Variants in HEATR9 observed in about 807,000 individuals in gnomAD.
The protein encoded by HEATR9 is protein HEATR9.
Under a neutral mutation model 68.2 loss-of-function variants are expected in HEATR9, and 54 were observed. That is an observed-to-expected ratio of 0.79 (90% confidence interval 0.64 to 0.99). HEATR9 has a LOEUF of 0.99. Among genes scored for constraint, HEATR9 ranks in the 50% least tolerant of loss-of-function variants. The probability of loss-of-function intolerance (pLI) is 0.00; values close to 1 mark genes in which losing one functional copy is unlikely to be tolerated. For synonymous variants in HEATR9, 241 were observed against 253.5 expected (o/e 0.95, Z 0.47); for missense variants, 662 against 679.7 (o/e 0.97, Z 0.29).
chr17:35,858,748 C>T (rs1364387450), intron 9 of HEATR9, 140 bp downstream of exon 9: 1 of 968,710 alleles, frequency 1.0e-6, no homozygotes, highest in Non-Finnish European at 1.6e-6. Context: ...CCATATGACC[C>T]CATACTCATA....
At position 35,864,779 on chromosome 17, in the gene HEATR9, G is replaced by T; in HGVS notation, c.432C>A (p.Pro144=). The T allele has an allele frequency of 1.2e-6, 2 of 1,614,146 alleles. No homozygotes were observed. The highest frequency in any genetic ancestry group is 1.7e-6 in the Non-Finnish European group (2 of 1,180,036). ...RSRPLEPTQD[P]LKWQRLRELT... ...TGACCCTTAATCTTTGCCACTTCAG[G>T]GGGTCCTGGGTAGGCTCTAAGGGCC... Residue 144 remains proline, a synonymous_variant, in exon 4 of 15, where the codon CCC becomes CCA. Coordinates refer to ENST00000604834, the MANE Select transcript of HEATR9 (RefSeq NM_152781.4).
In HEATR9 at chr17:35,859,097, G is replaced by T. The variant is rs373007075; in HGVS notation, c.757-27C>A. Reference sequence around the variant, plus strand: ...TGTGAGGGAGACAAAATGGCTAAGGGGAGGGGCTATGTACTTTATGCCAGG... The same window carrying T: ...TGTGAGGGAGACAAAATGGCTAAGGTGAGGGGCTATGTACTTTATGCCAGG... On this transcript the variant is annotated intron_variant, in intron 8 of 14. Coordinates refer to ENST00000604834, the MANE Select transcript of HEATR9 (RefSeq NM_152781.4). 3 of 1,606,308 alleles carry T rather than the reference G, an allele frequency of 1.9e-6. No individual in the cohort carries two copies. The African/African-American group carries it at 4.0e-5, about 21-fold the overall frequency.
intron 12 of HEATR9, 51 bp downstream of exon 12, chr17:35,856,681 C>A (rs574892245): frequency 1.1e-5 from 16 of 1,495,626 alleles, no homozygotes; most frequent in Non-Finnish European, 1.5e-5. Context: ...TGACCCTCTG[C>A]CCCCTTCCCA....
chr17:35,866,737 A>C lies in HEATR9; in HGVS notation c.125T>G (p.Leu42Trp). ...RKAMAPVHLP[L>W]SCYQMPKEEF... The stretch of plus-strand genomic sequence containing the variant: ...AAGGGGTCTTACCTGGTAGCAGGAC[A>C]AGGGCAGATGAACAGGAGCCATGGC... The change falls in exon 2 of 15, where the codon TTG becomes TGG. Residue 42 changes from leucine to tryptophan, a missense_variant. By Grantham distance (61) the Leu-to-Trp change is moderately conservative. Coordinates refer to ENST00000604834, the MANE Select transcript of HEATR9 (RefSeq NM_152781.4). 6.2e-7 allele frequency: 1 copy of C among 1,614,070 alleles called. No individual in the cohort carries two copies. Among genetic ancestry groups the C allele is most frequent in the Non-Finnish European group, 8.5e-7 (1 of 1,179,942 alleles).
Position 35,855,734 on chromosome 17 carries a change from C to A in HEATR9, c.1295G>T (p.Arg432Leu). The change falls in exon 14 of 15, where the codon CGC becomes CTC. Residue 432 changes from arginine (R) to leucine (L), a missense_variant. Arg to Leu is a moderately radical substitution (Grantham distance 102). Transcript: ENST00000604834. ...AVISLGVLGI[R>L]SPQVFHLLLD... Reference sequence around the variant, plus strand: ...GAGCAAGTGGAACACTTGTGGACTGCGGATCCCCAGGACACCCTGGCAGAG... The same window carrying A: ...GAGCAAGTGGAACACTTGTGGACTGAGGATCCCCAGGACACCCTGGCAGAG... 3 of 1,613,920 alleles carry A rather than the reference C, an allele frequency of 1.9e-6. No homozygotes were observed. Among genetic ancestry groups the A allele is most frequent in the East Asian group, 2.2e-5 (1 of 44,874 alleles).
In HEATR9 at chr17:35,855,665, C is replaced by T; in HGVS notation, c.1364G>A (p.Ser455Asn). The T allele has an allele frequency of 6.2e-7, 1 of 1,613,982 alleles. No individual in the cohort carries two copies. Among genetic ancestry groups the T allele is most frequent in the Non-Finnish European group, 8.5e-7 (1 of 1,179,910 alleles). The change falls in exon 14 of 15, where the codon AGT becomes AAT. Residue 455 changes from serine to asparagine, a missense_variant and splice_region_variant. Ser to Asn is a conservative substitution (Grantham distance 46). Transcript: ENST00000604834. Reference protein sequence around the residue: ...DAENHQAVKKSLQETLILCAS... With the variant: ...DAENHQAVKKNLQETLILCAS... ...AGTGGGCAGGAACGCCTTACTTACA[C>T]TCTTCTTCACAGCCTGGTGGTTTTC...
rs570205615 is a variant in HEATR9, at chr17:35,858,770, T to G, written c.939+118A>C. The G allele has an allele frequency of 4.1e-5, 48 of 1,157,448 alleles. No homozygotes were observed. In the Admixed American group the frequency reaches 9.2e-4, roughly 22 times the overall value. The allele number at this position is 1,157,448 out of a possible 1,614,324, so 71.7% of individuals were successfully genotyped here. ...ACCCCATACTCATACATGGACATAG[T>G]CATAAGCACACAGAGGATCCTGCAG... On this transcript the variant is annotated intron_variant, in intron 9 of 14. Transcript: ENST00000604834.
intron 8 of HEATR9, among the ~76,000 whole-genome samples, chr17:35,861,869 TTTTTTTGAAA>T (rs1393220513): frequency 1.3e-5 from 2 of 151,900 alleles, no homozygotes; most frequent in Non-Finnish European, 2.9e-5. Flanking sequence ...CTTGGTTTTT[TTTTTTTGAAA>T]TGGAGTTTTG....
rs1246512426 is a variant in HEATR9, at chr17:35,856,762, A to C, written c.1196T>G (p.Leu399Trp). The change falls in exon 12 of 15, where the codon TTG (leucine) becomes TGG (tryptophan). Residue 399 changes from leucine (L) to tryptophan (W), a missense_variant. Transcript: ENST00000604834. ...AVAQTVEELKLKPTMMNLVEA... is the reference protein window; with the variant it reads ...AVAQTVEELKWKPTMMNLVEA... ...CACCAAGTTCATCATCGTAGGCTTC[A>C]ACTTGAGCTCTTCCACAGTTTGAGC... 6.2e-7 allele frequency: 1 copy of C among 1,606,442 alleles called. No homozygotes were observed. The highest frequency in any genetic ancestry group is 8.5e-7 in the Non-Finnish European group (1 of 1,176,460).
At chr17:35,856,658 C>G (rs2087783088) in intron 12 of HEATR9, 74 bp downstream of exon 12, 2 of 1,339,400 alleles carry the variant, frequency 1.5e-6, no homozygotes, top group East Asian at 5.0e-5. Context: ...CCCCTTCCCA[C>G]TGACCCTCTC....
rs149646134 is a variant in HEATR9 at position 35,858,214 on chromosome 17, T to A, written c.1138A>T (p.Asn380Tyr). The A allele has an allele frequency of 6.2e-6, 10 of 1,614,002 alleles. No homozygotes were observed. The African/African-American group carries it at 1.2e-4, about 19-fold the overall frequency. The stretch of plus-strand genomic sequence containing the variant: ...GTCTCACTTACAAGGAAGGGTTCAT[T>A]ATGCGTCTTCCTCCTGAGCAGGTTA... ...TFNLLRRKTH[N>Y]EPFLAVRQAV... Residue 380 changes from asparagine (N) to tyrosine (Y), a missense_variant, in exon 11 of 15, where the codon AAT (asparagine) becomes TAT (tyrosine). Physicochemically the swap from Asn to Tyr is moderately radical, Grantham distance 143 (BLOSUM62 -2). Coordinates refer to ENST00000604834, the MANE Select transcript of HEATR9 (RefSeq NM_152781.4).
chr17:35,858,409 G>C (rs1162528229), intron 10 of HEATR9, 24 bp downstream of exon 10: 4 of 1,614,004 alleles, frequency 2.5e-6, no homozygotes, highest in Non-Finnish European at 3.4e-6. Flanking sequence ...GGGAAAGGAA[G>C]GGTTCAGGCA....
At chr17:35,856,493 T>G in intron 12 of HEATR9, 1 of 891,288 alleles carries the variant, frequency 1.1e-6, no homozygotes, top group East Asian at 2.6e-5. Flanking sequence ...TTGAGCTTTA[T>G]AGCAACCTAT....
chr17:35,860,450 TTTTATTTATTTA>T (rs201786560), intron 8 of HEATR9, among the ~76,000 whole-genome samples: 10 of 134,938 alleles, frequency 7.4e-5, no homozygotes, highest in Admixed American at 2.2e-4. Context: ...AAGTCCTTAT[TTTTATTTATTTA>T]TTTATTTATT....
At position 35,864,817 on chromosome 17, in the gene HEATR9, C is replaced by T; in HGVS notation, c.394G>A (p.Glu132Lys). ...LPMSKLTIKSEMRSRPLEPTQ... is the reference protein window; with the variant it reads ...LPMSKLTIKSKMRSRPLEPTQ... ...GGCTCTAAGGGCCTGGATCGCATCT[C>T]AGATTTTATAGTCAGCTTGCTCATT... Residue 132 changes from glutamate to lysine, a missense_variant, in exon 4 of 15, where the codon GAG (glutamate) becomes AAG (lysine). Physicochemically the swap from Glu to Lys is moderately conservative, Grantham distance 56. Coordinates refer to ENST00000604834, the MANE Select transcript of HEATR9 (RefSeq NM_152781.4). 6.2e-7 allele frequency: 1 copy of T among 1,614,180 alleles called. No homozygotes were observed. Among genetic ancestry groups the T allele is most frequent in the African/African-American group, 1.3e-5 (1 of 75,054 alleles).
chr17:35,863,236 A>G lies in HEATR9; in HGVS notation c.626-111T>C, dbSNP rs532751748. On this transcript the variant is annotated intron_variant, in intron 7 of 14. Coordinates refer to ENST00000604834, the MANE Select transcript of HEATR9 (RefSeq NM_152781.4). ...GAGACCTAAGTTCCAAGTCCTAGGTACCACAGTGTTGCTCATCTTCCCAGG... is the reference window on the plus strand; with the variant it reads ...GAGACCTAAGTTCCAAGTCCTAGGTGCCACAGTGTTGCTCATCTTCCCAGG... The G allele has an allele frequency of 9.2e-6, 13 of 1,410,914 alleles. No individual in the cohort carries two copies. In the Admixed American group the frequency reaches 1.1e-4, roughly 12 times the overall value. 87.4% of individuals were successfully genotyped at this position (1,410,914 alleles called of 1,614,324 possible). A position where few individuals can be genotyped will look rare whatever the true frequency, so the allele number is the denominator to read the frequency against.
chr17:35,860,635 G>A (rs1193184081), intron 8 of HEATR9, among the ~76,000 whole-genome samples: 3 of 149,972 alleles, frequency 2.0e-5, no homozygotes, highest in Non-Finnish European at 3.0e-5. Context: ...GACTACAGGC[G>A]CCCGCCAGCA....
chr17:35,863,112 C>G lies in HEATR9; in HGVS notation c.639G>C (p.Lys213Asn), dbSNP rs775000208. ...GTTTGATGAGAGCCCGGATCACATG[C>G]TTATTCAGGCAACCTGGACAGGGAG... ...RTLAILGCLNKHVIRALIKQL... is the reference protein window; with the variant it reads ...RTLAILGCLNNHVIRALIKQL... The change falls in exon 8 of 15, where the codon AAG becomes AAC. Residue 213 changes from lysine (K) to asparagine (N), a missense_variant. Physicochemically the swap from Lys to Asn is moderately conservative, Grantham distance 94. Transcript: ENST00000604834. 6.2e-7 allele frequency: 1 copy of G among 1,614,130 alleles called. No homozygotes were observed. The highest frequency in any genetic ancestry group is 2.2e-5 in the East Asian group (1 of 44,888).
chr17:35,863,430 C>T, intron 7 of HEATR9, 72 bp downstream of exon 7: 1 of 1,475,974 alleles, frequency 6.8e-7, no homozygotes, highest in Non-Finnish European at 9.5e-7. Flanking sequence ...GCTCCTCACC[C>T]ATTTGTCCTT....
Sources: gnomAD v4.1 joint callset for allele counts (sites outside exome capture counted in the v4.1 genomes callset) on GRCh38, gnomAD v4.1.1 for gene constraint, MANE v1.5 for transcripts, NCBI Gene and HGNC (gene_info 2026-07-23, HGNC 2026-07-21) for gene names.